MKNK1: variants seen among roughly 807,000 people sequenced by gnomAD.
MKNK1 encodes the protein MAPK interacting serine/threonine kinase 1, also known as MAP kinase-interacting serine/threonine-protein kinase 1.
Under a neutral mutation model 49.3 loss-of-function variants are expected in MKNK1, and 30 were observed. The ratio of observed to expected loss-of-function variants is 0.61; its 90% CI spans 0.46 to 0.83. The LOEUF (loss-of-function observed/expected upper bound fraction) is 0.83, where lower values mean the gene tolerates loss of function less well. MKNK1 is among the 40% of genes least tolerant of loss of function. MKNK1 has a pLI of 0.00. For missense variants in MKNK1, 423 were observed against 524.7 expected (o/e 0.81, Z 1.89); for synonymous variants, 176 against 201.7 (o/e 0.87, Z 1.08).
intron 6 of MKNK1, 133 bp from the exon 7 acceptor site, chr1:46,572,300 G>A (rs1006232372): frequency 4.7e-6 from 3 of 631,856 alleles, no homozygotes; most frequent in Middle Eastern, 3.2e-4. Flanking sequence ...TGCAACCTCC[G>A]CCTCCGGGTT....
chr1:46,599,519 A>G (rs1674474570), intron 1 of MKNK1, among the ~76,000 whole-genome samples: 1 of 152,224 alleles, frequency 6.6e-6, no homozygotes, highest in South Asian at 2.1e-4. Flanking sequence ...CCTATCAAGC[A>G]GACCTAGTCC....
chr1:46,598,007 T>C (rs1427305577), intron 1 of MKNK1, among the ~76,000 whole-genome samples: 1 of 152,242 alleles, frequency 6.6e-6, no homozygotes. Context: ...GAGGTTTAAC[T>C]GGATTCTGGC....
chr1:46,558,979 G>A (rs901829620), intron 12 of MKNK1, among the ~76,000 whole-genome samples, 179 bp from the exon 13 acceptor site: 1 of 152,190 alleles, frequency 6.6e-6, no homozygotes, highest in African/African-American at 2.4e-5. Context: ...TCTTGACTGA[G>A]GGATTTTAAT....
intron 2 of MKNK1, among the ~76,000 whole-genome samples, chr1:46,590,989 T>C (rs1673258106): frequency 6.6e-6 from 1 of 152,246 alleles, no homozygotes; most frequent in Non-Finnish European, 1.5e-5. Context: ...TTATGAAAGA[T>C]GAGCTACCAA....
At chr1:46,580,273 A>G (rs1007383731) in intron 4 of MKNK1, among the ~76,000 whole-genome samples, 1 of 152,220 alleles carries the variant, frequency 6.6e-6, no homozygotes, top group African/African-American at 2.4e-5. Flanking sequence ...CACTTTACCT[A>G]TATTAACTTA....
intron 4 of MKNK1, 21 bp from the exon 5 acceptor site, chr1:46,576,675 G>T: frequency 6.2e-7 from 1 of 1,607,606 alleles, no homozygotes. Context: ...AATAAAATCT[G>T]TCATGTACAC....
chr1:46,593,285 G>A (rs563299678), intron 2 of MKNK1, among the ~76,000 whole-genome samples: 5 of 152,238 alleles, frequency 3.3e-5, no homozygotes, highest in South Asian at 4.1e-4. Context: ...TGCAGCCTCC[G>A]CCTCCCGGGT....
intron 1 of MKNK1, among the ~76,000 whole-genome samples, chr1:46,596,792 T>C (rs542399725): frequency 2.0e-5 from 3 of 152,304 alleles, no homozygotes; most frequent in African/African-American, 7.2e-5. Context: ...CTGACATGGC[T>C]TCTCCAGATC....
In MKNK1 at chr1:46,600,100, C is replaced by T. The variant is rs535818000; in HGVS notation, c.-171+4085G>A. Among the ~76,000 whole-genome samples, 258 of 152,332 alleles carry T rather than the reference C, an allele frequency of 1.7e-3. 3 individuals are homozygous for T. The South Asian group carries it at 0.049, about 29-fold the overall frequency. On this transcript the variant is annotated intron_variant, in intron 1 of 12. Transcript: ENST00000371945. Reference sequence around the variant, plus strand: ...CTCCCTCCAAGGCCCAGCATAAATTCTCCACCTTCAGGAATCCTCTGGTCA... The same window carrying T: ...CTCCCTCCAAGGCCCAGCATAAATTTTCCACCTTCAGGAATCCTCTGGTCA...
chr1:46,567,912 G>T (rs1669357517), intron 8 of MKNK1, among the ~76,000 whole-genome samples: 1 of 152,218 alleles, frequency 6.6e-6, no homozygotes, highest in African/African-American at 2.4e-5. Flanking sequence ...CTTGAGCTCA[G>T]GAGTTCGAGA....
At chr1:46,575,334 T>A in intron 5 of MKNK1, 1 of 223,224 alleles carries the variant, frequency 4.5e-6, no homozygotes, top group Non-Finnish European at 8.8e-6. Context: ...GAATAAAATC[T>A]GCAGCCGACT....
intron 12 of MKNK1, 54 bp downstream of exon 12, chr1:46,560,180 T>A: frequency 6.2e-7 from 1 of 1,600,280 alleles, no homozygotes. Context: ...CCCACCCCCA[T>A]GGTGGCTGAG....
chr1:46,566,921 A>T (rs568991243), intron 8 of MKNK1, among the ~76,000 whole-genome samples: 17 of 152,318 alleles, frequency 1.1e-4, no homozygotes, highest in African/African-American at 4.1e-4. Flanking sequence ...ATTTTCTCAC[A>T]TTCTGTAGAT....
At chr1:46,585,512 T>C (rs1672434838) in intron 2 of MKNK1, 3 of 262,294 alleles carry the variant, frequency 1.1e-5, no homozygotes, top group Non-Finnish European at 2.3e-5. Flanking sequence ...TGCAGTCCAG[T>C]GGCAACCCGT....
chr1:46,581,508 CAAAAAAAA>C (rs36099600), intron 3 of MKNK1, among the ~76,000 whole-genome samples: 18 of 41,644 alleles, frequency 4.3e-4, no homozygotes, highest in African/African-American at 1.9e-3. Context: ...GACCCCATAT[CAAAAAAAA>C]AAAAAAAAAA....
rs758741965 is a variant in MKNK1, at chr1:46,560,311, A to G, written c.970-34T>C. On this transcript the variant is annotated intron_variant, in intron 11 of 12. Transcript: ENST00000371945. ...GGAAGGACAGATGTGTAGGTAAAGC[A>G]CTGCTCCCTCCTTTCAAGAACTGCC... 3 of 1,611,522 alleles carry G rather than the reference A, an allele frequency of 1.9e-6. No individual in the cohort carries two copies. The South Asian group carries it at 3.3e-5, about 18-fold the overall frequency.
chr1:46,561,451 A>C (rs1467266482), intron 11 of MKNK1, 27 bp downstream of exon 11: 1 of 1,580,910 alleles, frequency 6.3e-7, no homozygotes, highest in East Asian at 2.2e-5. Context: ...GAAGTGGTGG[A>C]AAACACCCCT....
rs191428213 is a variant in MKNK1 at position 46,589,126 on chromosome 1, G to C, written c.-3+4987C>G. On this transcript the variant is annotated intron_variant, in intron 2 of 12. Coordinates refer to ENST00000371945, the MANE Select transcript of MKNK1 (RefSeq NM_001135553.4). The surrounding 1 kb of genome is among the most constrained non-coding windows in gnomAD (Gnocchi z 4.3). ...CTGGTGCTAGACAGTGAGAGTATAA[G>C]AGAAGACACAGTCTCTTCCCTGATG... 6.6e-6 allele frequency among the ~76,000 whole-genome samples: 1 copy of C among 152,384 alleles called. No homozygotes were observed. Among genetic ancestry groups the C allele is most frequent in the African/African-American group, 2.4e-5 (1 of 41,592 alleles).
chr1:46,594,878 T>G (rs1673847592), intron 1 of MKNK1: 1 of 412,318 alleles, frequency 2.4e-6, no homozygotes, highest in Non-Finnish European at 4.8e-6. Context: ...CTGTAGCTGC[T>G]TGGGAGGCTG....
Sources: gnomAD v4.1 joint callset for allele counts (sites outside exome capture counted in the v4.1 genomes callset) on GRCh38, gnomAD v4.1.1 for gene constraint, Gnocchi (gnomAD v3.1) non-coding constraint, MANE v1.5 for transcripts, NCBI Gene and HGNC (gene_info 2026-07-23, HGNC 2026-07-21) for gene names.